TBC1D22A: variants seen among roughly 807,000 people sequenced by gnomAD.
TBC1D22A encodes putative GTPase activator.
In TBC1D22A, 38 loss-of-function variants were observed where a neutral mutation model predicts 60.2. The observed-to-expected ratio is 0.63, with a 90% confidence interval of 0.49 to 0.83. The LOEUF is 0.83. TBC1D22A is among the 40% of genes least tolerant of loss of function. The pLI is 0.00. For missense variants in TBC1D22A, 628 were observed against 701.0 expected (o/e 0.90, Z 1.18); for synonymous variants, 302 against 281.7 (o/e 1.07, Z -0.72).
In TBC1D22A at chr22:47,173,863, G is replaced by A. The variant is rs571142579; in HGVS notation, c.*237G>A. On this transcript the variant is annotated 3_prime_UTR_variant, in exon 13 of 13. Coordinates refer to ENST00000337137, the MANE Select transcript of TBC1D22A (RefSeq NM_014346.5). ...GCCAGGGGAGGGCCCCGGGTTCGGC[G>A]GCCAGAGGCAGGTCAGGGGTCCCCT... is the stretch of plus-strand genomic sequence containing the variant. 6.7e-5 allele frequency: 37 copies of A among 550,492 alleles called. No homozygotes were observed. The highest frequency in any genetic ancestry group is 4.6e-4 in the African/African-American group (24 of 51,998). The allele number at this position is 550,492 out of a possible 1,614,324, so 34.1% of individuals were successfully genotyped here. A position where few individuals can be genotyped will look rare whatever the true frequency, so the allele number is the denominator to read the frequency against.
At chr22:47,010,475 G>GCTGTTA (rs2061721945) in intron 10 of TBC1D22A, among the ~76,000 whole-genome samples, 2 of 152,260 alleles carry the variant, frequency 1.3e-5, no homozygotes, top group African/African-American at 4.8e-5. Flanking sequence ...GACCTAAGGT[G>GCTGTTA]TGTGTGGACT....
At chr22:46,782,004 G>T (rs1448889375) in intron 1 of TBC1D22A, among the ~76,000 whole-genome samples, 1 of 152,228 alleles carries the variant, frequency 6.6e-6, no homozygotes, top group Non-Finnish European at 1.5e-5. Flanking sequence ...GTTCTGTGGT[G>T]ATTTACGCTA....
chr22:46,994,841 A>G (rs1389673340), intron 9 of TBC1D22A, among the ~76,000 whole-genome samples: 1 of 152,318 alleles, frequency 6.6e-6, no homozygotes, highest in South Asian at 2.1e-4. Flanking sequence ...CTGTTATCCA[A>G]TCTCTGGGGA....
At chr22:47,015,163 C>A (rs2061866341) in intron 10 of TBC1D22A, among the ~76,000 whole-genome samples, 1 of 152,238 alleles carries the variant, frequency 6.6e-6, no homozygotes, top group African/African-American at 2.4e-5. Context: ...ACACACCCAG[C>A]AAGTGATAGT....
At chr22:46,997,780 G>A in intron 10 of TBC1D22A, 71 bp downstream of exon 10, 1 of 1,428,990 alleles carries the variant, frequency 7.0e-7, no homozygotes, top group South Asian at 1.2e-5. Context: ...GGTGGGACAG[G>A]GAGCTGTCCT....
At chr22:46,858,005 C>T (rs553795500) in intron 4 of TBC1D22A, among the ~76,000 whole-genome samples, 1 of 152,298 alleles carries the variant, frequency 6.6e-6, no homozygotes, top group South Asian at 2.1e-4. Context: ...AGTGGCGCTG[C>T]TGGCTCACGT....
At chr22:47,067,385 G>C (rs940304961) in intron 11 of TBC1D22A, among the ~76,000 whole-genome samples, 5 of 152,202 alleles carry the variant, frequency 3.3e-5, no homozygotes, top group African/African-American at 9.7e-5. Context: ...AATAAATCCT[G>C]CCACCTCTAT....
intron 12 of TBC1D22A, among the ~76,000 whole-genome samples, chr22:47,152,340 T>A (rs145831254): frequency 6.6e-6 from 1 of 151,978 alleles, no homozygotes. Context: ...TCCTACGGGG[T>A]TCCCCCCCTG....
intron 12 of TBC1D22A, among the ~76,000 whole-genome samples, chr22:47,142,609 C>G (rs1030751692): frequency 7.4e-6 from 1 of 135,676 alleles, no homozygotes; most frequent in Non-Finnish European, 1.6e-5. Context: ...CATCATCCAT[C>G]CATCTGCACA....
At chr22:47,162,288 C>G (rs1299167168) in intron 12 of TBC1D22A, among the ~76,000 whole-genome samples, 1 of 151,552 alleles carries the variant, frequency 6.6e-6, no homozygotes, top group Non-Finnish European at 1.5e-5. Flanking sequence ...CCAAGGCTTT[C>G]CCGCCTCTGA....
chr22:47,119,126 C>G (rs536229507), intron 12 of TBC1D22A, among the ~76,000 whole-genome samples: 1 of 152,108 alleles, frequency 6.6e-6, no homozygotes, highest in African/African-American at 2.4e-5. Flanking sequence ...TCCAGCCTTG[C>G]GACAGCAAGA....
chr22:47,150,527 G>A (rs2067462447), intron 12 of TBC1D22A, among the ~76,000 whole-genome samples: 1 of 152,186 alleles, frequency 6.6e-6, no homozygotes, highest in African/African-American at 2.4e-5. Flanking sequence ...GGCTTGCTGG[G>A]TGGCACCGGA....
chr22:46,774,842 C>T (rs770214598), intron 1 of TBC1D22A, among the ~76,000 whole-genome samples: 12 of 152,348 alleles, frequency 7.9e-5, no homozygotes, highest in Non-Finnish European at 1.3e-4. Context: ...GCCTCGCCCT[C>T]CGCCATCCTC....
At chr22:46,957,255 G>A (rs929645033) in intron 8 of TBC1D22A, among the ~76,000 whole-genome samples, 4 of 152,212 alleles carry the variant, frequency 2.6e-5, no homozygotes, top group Non-Finnish European at 2.9e-5. Flanking sequence ...GAGTAGTGCT[G>A]TATTAGTCTG....
chr22:46,855,137 G>C (rs1425043021), intron 4 of TBC1D22A, among the ~76,000 whole-genome samples: 1 of 152,226 alleles, frequency 6.6e-6, no homozygotes, highest in Non-Finnish European at 1.5e-5. Flanking sequence ...CCTGGACACA[G>C]GTTGATCAGA....
At chr22:47,058,868 G>A (rs1273815376) in intron 11 of TBC1D22A, among the ~76,000 whole-genome samples, 2 of 152,160 alleles carry the variant, frequency 1.3e-5, no homozygotes, top group East Asian at 1.9e-4. Flanking sequence ...AATGGGGCCC[G>A]CTGGACCCAG....
intron 4 of TBC1D22A, among the ~76,000 whole-genome samples, chr22:46,812,856 A>G (rs2085441577): frequency 6.6e-6 from 1 of 152,166 alleles, no homozygotes; most frequent in Non-Finnish European, 1.5e-5. Context: ...GTTAGCATTT[A>G]TCTTTTTTGC....
intron 4 of TBC1D22A, among the ~76,000 whole-genome samples, chr22:46,799,655 G>T (rs956041621): frequency 4.6e-5 from 7 of 152,194 alleles, no homozygotes; most frequent in Admixed American, 3.9e-4. Flanking sequence ...CTAACCTGGC[G>T]CAGCAGCTTT....
At chr22:46,955,980 T>C (rs2073166409) in intron 8 of TBC1D22A, among the ~76,000 whole-genome samples, 1 of 152,208 alleles carries the variant, frequency 6.6e-6, no homozygotes, top group African/African-American at 2.4e-5. Flanking sequence ...AGCCATTGGG[T>C]ACATTGATTT....
Sources: allele counts gnomAD v4.1 joint callset (sites outside exome capture counted in the v4.1 genomes callset), GRCh38; gene constraint gnomAD v4.1.1; transcripts MANE v1.5; gene names NCBI Gene and HGNC (gene_info 2026-07-23, HGNC 2026-07-21).